Variants in S100A8 observed in about 807,000 individuals in gnomAD.
S100A8 encodes the protein S100 calcium binding protein A8.
Under a neutral mutation model 4.2 loss-of-function variants are expected in S100A8, and 1 was observed. The ratio of observed to expected loss-of-function variants is 0.24; its 90% confidence interval spans 0.08 to 1.12. S100A8 has a LOEUF of 1.12. Ranked by LOEUF, S100A8 falls within the 50% of genes most tolerant of loss-of-function variation. S100A8 has a pLI of 0.53. For missense variants in S100A8, 96 were observed against 111.8 expected (o/e 0.86, Z 0.64); for synonymous variants, 41 against 44.7 (o/e 0.92, Z 0.33).
chr1:153,392,344 G>C (rs866468059), upstream of S100A8, among the ~76,000 whole-genome samples: 59 of 152,310 alleles, frequency 3.9e-4, no homozygotes, highest in Middle Eastern at 3.4e-3. Flanking sequence ...AACAAGTGTT[G>C]GTGAGGGCAT....
chr1:153,415,119 G>A, the S100A8 span, among the ~76,000 whole-genome samples: 6 of 151,974 alleles, frequency 3.9e-5, no homozygotes, highest in African/African-American at 1.2e-4. Context: ...TTCTTTTTAT[G>A]GTTGAGTAGT....
At chr1:153,396,137 G>T in the S100A8 span, among the ~76,000 whole-genome samples, 1 of 152,218 alleles carries the variant, frequency 6.6e-6, no homozygotes, top group East Asian at 1.9e-4. Context: ...ATCAGAGGTG[G>T]TGTCTCTCCC....
the S100A8 span, among the ~76,000 whole-genome samples, chr1:153,410,137 A>C: frequency 2.0e-5 from 3 of 152,214 alleles, no homozygotes; most frequent in Non-Finnish European, 2.9e-5. Context: ...ATCAGAGCAG[A>C]ACTGAAGGAG....
At chr1:153,403,353 A>G in the S100A8 span, among the ~76,000 whole-genome samples, 2 of 152,182 alleles carry the variant, frequency 1.3e-5, no homozygotes, top group Non-Finnish European at 2.9e-5. Context: ...TTCTTTCTCC[A>G]TTGAATTGGC....
chr1:153,393,266 T>C (rs1662143473), upstream of S100A8, among the ~76,000 whole-genome samples: 1 of 152,160 alleles, frequency 6.6e-6, no homozygotes, highest in Non-Finnish European at 1.5e-5. Flanking sequence ...AAGGCAGAAT[T>C]AGTTCTTCTC....
the S100A8 span, among the ~76,000 whole-genome samples, chr1:153,400,325 C>A: frequency 6.6e-6 from 1 of 152,154 alleles, no homozygotes; most frequent in Non-Finnish European, 1.5e-5. Context: ...GCTCGACATC[C>A]CTACAGATGC....
chr1:153,409,199 C>T, the S100A8 span, among the ~76,000 whole-genome samples: 3 of 152,138 alleles, frequency 2.0e-5, no homozygotes, highest in Non-Finnish European at 4.4e-5. Flanking sequence ...GATAAAGAGT[C>T]AAGACCCATC....
chr1:153,398,211 G>T, the S100A8 span, among the ~76,000 whole-genome samples: 748 of 152,264 alleles, frequency 4.9e-3, 2 homozygotes, highest in African/African-American at 0.017. Context: ...ACCCTTGCAG[G>T]CCCCAAGGAG....
the S100A8 span, chr1:153,418,310 C>A: frequency 6.5e-7 from 1 of 1,532,576 alleles, no homozygotes; most frequent in Non-Finnish European, 8.9e-7. Context: ...ACAGGTCACC[C>A]TCATCCTCTG....
chr1:153,416,793 A>G, the S100A8 span, among the ~76,000 whole-genome samples: 1 of 151,790 alleles, frequency 6.6e-6, no homozygotes, highest in African/African-American at 2.4e-5. Context: ...TCCTGAGACA[A>G]CTCCTGTGGA....
At chr1:153,418,204 C>A in the S100A8 span, 1 of 1,613,966 alleles carries the variant, frequency 6.2e-7, no homozygotes, top group Non-Finnish European at 8.5e-7. Context: ...GAGAACTTCC[C>A]CAATTTCCTC....
chr1:153,417,907 A>C, the S100A8 span: 1 of 924,338 alleles, frequency 1.1e-6, no homozygotes, highest in South Asian at 1.8e-5. Context: ...CTACCCTCTC[A>C]TTTTTGAACA....
At chr1:153,416,539 C>T in the S100A8 span, 1 of 492,718 alleles carries the variant, frequency 2.0e-6, no homozygotes, top group Non-Finnish European at 4.0e-6. Flanking sequence ...ACTCATCCTT[C>T]TACTCGTGAC....
At chr1:153,407,589 C>T in the S100A8 span, among the ~76,000 whole-genome samples, 2 of 152,222 alleles carry the variant, frequency 1.3e-5, no homozygotes, top group East Asian at 1.9e-4. Flanking sequence ...CAGGCTTAAG[C>T]GTCCCTGTTT....
chr1:153,405,921 CT>C, the S100A8 span, among the ~76,000 whole-genome samples: 1 of 152,104 alleles, frequency 6.6e-6, no homozygotes, highest in Non-Finnish European at 1.5e-5. Flanking sequence ...TGCTGCAGAA[CT>C]CTCTCTCTGT....
At chr1:153,419,204 TAAG>T in the S100A8 span, 4 of 1,614,200 alleles carry the variant, frequency 2.5e-6, no homozygotes, top group Middle Eastern at 3.3e-4. Context: ...AGAATGAGGA[TAAG>T]AAGATTGATT....
At chr1:153,395,256 A>G (rs1179975493), upstream of S100A8, among the ~76,000 whole-genome samples, 4 of 151,752 alleles carry the variant, frequency 2.6e-5, no homozygotes, top group Non-Finnish European at 5.9e-5. Flanking sequence ...CCCAGGTTCT[A>G]CTCATTGCTC....
At chr1:153,408,981 T>C in the S100A8 span, among the ~76,000 whole-genome samples, 10 of 152,146 alleles carry the variant, frequency 6.6e-5, no homozygotes, top group African/African-American at 2.4e-4. Flanking sequence ...AAGGAAGCAC[T>C]AAACATGGAA....
the S100A8 span, among the ~76,000 whole-genome samples, chr1:153,404,978 G>A: frequency 6.6e-6 from 1 of 152,022 alleles, no homozygotes; most frequent in African/African-American, 2.4e-5. Flanking sequence ...CTCAGGGCCA[G>A]AGTTTTGTCC....
Sources: gnomAD v4.1 joint callset for allele counts (sites outside exome capture counted in the v4.1 genomes callset) on GRCh38, gnomAD v4.1.1 for gene constraint, MANE v1.5 for transcripts, NCBI Gene and HGNC (gene_info 2026-07-23, HGNC 2026-07-21) for gene names.